The following ABCA1 variants were observed in gnomAD, a reference collection of about 807,000 sequenced individuals.
The protein encoded by ABCA1 is ATP binding cassette subfamily A member 1, also known as phospholipid-transporting ATPase ABCA1.
A neutral mutation model predicts 262.5 loss-of-function variants in ABCA1; 133 were observed. That is an observed-to-expected ratio of 0.51 (90% CI 0.44 to 0.59). ABCA1 has a LOEUF of 0.59. Ranked by LOEUF, ABCA1 falls within the 20% of genes least tolerant of loss-of-function variation. The probability of loss-of-function intolerance (pLI) is 0.00; values close to 1 mark genes in which losing one functional copy is unlikely to be tolerated. For missense variants in ABCA1, 2,452 were observed against 2,777.5 expected, an observed-to-expected ratio of 0.88 and a Z score of 2.63; for synonymous variants, 1,022 against 1,043.5, an observed-to-expected ratio of 0.98 and a Z score of 0.40.
chr9:104,860,758 T>C (rs1485726546), intron 6 of ABCA1, among the ~76,000 whole-genome samples: 1 of 145,120 alleles, frequency 6.9e-6, no homozygotes, highest in East Asian at 2.0e-4. Flanking sequence ...TAAAATTCTT[T>C]TTTTTTTTTT....
At chr9:104,913,617 G>C (rs1841630781) in intron 1 of ABCA1, among the ~76,000 whole-genome samples, 1 of 152,142 alleles carries the variant, frequency 6.6e-6, no homozygotes, top group Admixed American at 6.5e-5. Context: ...TGCATTGGTA[G>C]AGGTGAAAGC....
intron 7 of ABCA1, among the ~76,000 whole-genome samples, chr9:104,848,890 C>T (rs1835134110): frequency 6.6e-6 from 1 of 152,060 alleles, no homozygotes; most frequent in African/African-American, 2.4e-5. Flanking sequence ...CAAGATGGTG[C>T]CAAACACATG....
In ABCA1 at chr9:104,893,421, CAAAAAAAAAAAAA is replaced by C. The variant is rs34544647; in HGVS notation, c.67-4239_67-4227del. ...TGGGCAACAGAGTGAGACTTCACCT[CAAAAAAAAAAAAA>C]AAAAAAAAAAAAAAAAAAGAAAAGA... On this transcript the variant is annotated intron_variant, in intron 2 of 49. Coordinates refer to ENST00000374736, the MANE Select transcript of ABCA1 (RefSeq NM_005502.4). 4.7e-3 allele frequency among the ~76,000 whole-genome samples: 166 copies of C among 35,252 alleles called. 1 individual carries two copies. The highest frequency in any genetic ancestry group is 0.013 in the African/African-American group (137 of 10,768). The allele number at this position is 35,252 out of a possible 152,430, so 23.1% of individuals were successfully genotyped here.
At chr9:104,792,601 T>A (rs1829522001) in intron 42 of ABCA1, among the ~76,000 whole-genome samples, 185 bp downstream of exon 42, 2 of 152,210 alleles carry the variant, frequency 1.3e-5, no homozygotes, top group South Asian at 4.1e-4. Context: ...CACAAAAGAA[T>A]TCTCAGTAAG....
chr9:104,861,484 G>C, intron 6 of ABCA1, 195 bp downstream of exon 6: 1 of 695,036 alleles, frequency 1.4e-6, no homozygotes, highest in South Asian at 1.7e-5. Context: ...CATGACGCCA[G>C]GTTGCATATT....
intron 1 of ABCA1, among the ~76,000 whole-genome samples, chr9:104,920,571 G>T (rs1200110464): frequency 1.3e-5 from 2 of 152,172 alleles, no homozygotes; most frequent in African/African-American, 4.8e-5. Context: ...CTGTGCAGTG[G>T]CACCATCTCG....
rs138735406 is a variant in ABCA1 at position 104,820,035 on chromosome 9, G to C, written c.2995C>G (p.Arg999Gly). Residue 999 changes from arginine (R) to glycine (G), a missense_variant, in exon 21 of 50, where the codon CGC becomes GGC. Coordinates refer to ENST00000374736, the MANE Select transcript of ABCA1 (RefSeq NM_005502.4). ...TGCTTCTCAGAGAGCCCTTTCAAGC[G>C]GGCATAGAACCAGATGTGTTCTTCG... Reference protein sequence around the residue: ...TVEEHIWFYARLKGLSEKHVK... With the variant: ...TVEEHIWFYAGLKGLSEKHVK... The C allele has an allele frequency of 3.7e-6, 6 of 1,614,038 alleles. No homozygotes were observed. The highest frequency in any genetic ancestry group is 1.3e-5 in the African/African-American group (1 of 74,998).
At chr9:104,788,185 A>G in intron 45 of ABCA1, 131 bp from the exon 46 acceptor site, 1 of 1,222,382 alleles carries the variant, frequency 8.2e-7, no homozygotes, top group South Asian at 1.2e-5. Context: ...ACAACTGGTG[A>G]GGAGCCAAAG....
Position 104,785,548 on chromosome 9 carries a change from C to T in ABCA1, c.6493G>A (p.Gly2165Arg), listed in dbSNP as rs1398277191. Residue 2165 changes from glycine to arginine, a missense_variant, in exon 49 of 50, where the codon GGA becomes AGA. Transcript: ENST00000374736. Reference sequence around the variant, plus strand: ...CGGTGTTTCTCTTTTAGAACACTTCCAGGAAATGCAAGTCCAAAGAAATCC... The same window carrying T: ...CGGTGTTTCTCTTTTAGAACACTTCTAGGAAATGCAAGTCCAAAGAAATCC... ...VQDFFGLAFPGSVLKEKHRNM... is the reference protein window; with the variant it reads ...VQDFFGLAFPRSVLKEKHRNM... 1 of 1,613,720 alleles carries T rather than the reference C, an allele frequency of 6.2e-7. No homozygotes were observed. Among genetic ancestry groups the T allele is most frequent in the East Asian group, 2.2e-5 (1 of 44,862 alleles).
At chr9:104,795,711 C>G (rs944786150) in intron 39 of ABCA1, among the ~76,000 whole-genome samples, 1 of 152,108 alleles carries the variant, frequency 6.6e-6, no homozygotes, top group African/African-American at 2.4e-5. Flanking sequence ...AATAAAAACA[C>G]CAAGAGAGGT....
At chr9:104,862,656 G>C (rs1407163313) in intron 5 of ABCA1, among the ~76,000 whole-genome samples, 215 of 1,928 alleles carry the variant, frequency 0.11, 46 homozygotes, top group African/African-American at 0.15. Context: ...GGCCGGGCCG[G>C]GCCGGGCCGG....
Position 104,837,182 on chromosome 9 carries a change from C to T in ABCA1, c.1195-86G>A, listed in dbSNP as rs373155278. 2.7e-5 allele frequency: 32 copies of T among 1,188,692 alleles called. 1 individual carries two copies. Among genetic ancestry groups the T allele is most frequent in the African/African-American group, 2.6e-4 (17 of 66,654 alleles). The allele number at this position is 1,188,692 out of a possible 1,614,324, so 73.6% of individuals were successfully genotyped here. Reference sequence around the variant, plus strand: ...GTTTGGCTCCTCCCTGAAAAGATACCCCATCACAGCAGCCCTGTGCCAGTC... The same window carrying T: ...GTTTGGCTCCTCCCTGAAAAGATACTCCATCACAGCAGCCCTGTGCCAGTC... On this transcript the variant is annotated intron_variant, in intron 10 of 49. Transcript: ENST00000374736.
At chr9:104,879,086 G>GA (rs975191032) in intron 5 of ABCA1, among the ~76,000 whole-genome samples, 10 of 150,654 alleles carry the variant, frequency 6.6e-5, no homozygotes, top group African/African-American at 2.5e-4. Flanking sequence ...AAAAAAAAAA[G>GA]AAAGAAAAGA....
rs58449867 is a variant in ABCA1, at chr9:104,844,027, G to GA, written c.813+1449dup. Among the ~76,000 whole-genome samples, 898 of 125,104 alleles carry GA rather than the reference G, an allele frequency of 7.2e-3. 6 individuals carry two copies. The highest frequency in any genetic ancestry group is 0.015 in the African/African-American group (575 of 37,350). 82.1% of individuals were successfully genotyped at this position (125,104 alleles called of 152,430 possible). A position where few individuals can be genotyped will look rare whatever the true frequency, so the allele number is the denominator to read the frequency against. On this transcript the variant is annotated intron_variant, in intron 8 of 49. Transcript: ENST00000374736. ...CTTCCAATTTTTTTTTTTAATGCCA[G>GA]AAAAAAAAAAAAAACCAGGGCCAGT...
At position 104,786,113 on chromosome 9, in the gene ABCA1, G is replaced by A. The variant is rs147626935; in HGVS notation, c.6401+185C>T. On this transcript the variant is annotated intron_variant, in intron 48 of 49. Coordinates refer to ENST00000374736, the MANE Select transcript of ABCA1 (RefSeq NM_005502.4). ...TTAAGTCACTTGCCCAAGAGTCACA[G>A]AACCAGTAAATGGTAAAGACAGAAT... is the stretch of plus-strand genomic sequence containing the variant. Among the ~76,000 whole-genome samples, 101 of 152,330 alleles carry A rather than the reference G, an allele frequency of 6.6e-4. No individual in the cohort carries two copies. In the East Asian group the frequency reaches 0.018, roughly 27 times the overall value.
At chr9:104,881,459 G>A (rs947770996) in intron 5 of ABCA1, among the ~76,000 whole-genome samples, 1 of 151,974 alleles carries the variant, frequency 6.6e-6, no homozygotes, top group Non-Finnish European at 1.5e-5. Flanking sequence ...TGGCTTGGTT[G>A]AGATGTCACC....
intron 11 of ABCA1, among the ~76,000 whole-genome samples, chr9:104,835,151 G>C (rs1349324942): frequency 1.3e-5 from 2 of 151,448 alleles, no homozygotes; most frequent in African/African-American, 4.9e-5. Flanking sequence ...TGGAGGCTGA[G>C]ACAGGAGAAT....
At chr9:104,903,059 AAAG>A (rs2118429788) in intron 2 of ABCA1, among the ~76,000 whole-genome samples, 1 of 152,310 alleles carries the variant, frequency 6.6e-6, no homozygotes, top group African/African-American at 2.4e-5. Flanking sequence ...CCTGCGCATT[AAAG>A]ATGATCTCCA....
At chr9:104,837,377 C>A (rs769226332) in intron 10 of ABCA1, 51 bp downstream of exon 10, 1 of 1,611,710 alleles carries the variant, frequency 6.2e-7, no homozygotes, top group Non-Finnish European at 8.5e-7. Flanking sequence ...TTTTTTGCCC[C>A]CAGTTCTGGG....
Sources: gnomAD v4.1 joint callset for allele counts (sites outside exome capture counted in the v4.1 genomes callset) on GRCh38, gnomAD v4.1.1 for gene constraint, MANE v1.5 for transcripts, NCBI Gene and HGNC (gene_info 2026-07-23, HGNC 2026-07-21) for gene names.